MARCHF1: variants seen among roughly 807,000 people sequenced by gnomAD.
The protein encoded by MARCHF1 is E3 ubiquitin-protein ligase MARCHF1.
MARCHF1 carries 40 observed loss-of-function variants against 54.2 expected under a neutral mutation model. The observed-to-expected ratio is 0.74, with a 90% CI of 0.57 to 0.96. The LOEUF (loss-of-function observed/expected upper bound fraction) is 0.96, where lower values mean the gene tolerates loss of function less well. Among genes scored for constraint, MARCHF1 ranks in the 40% least tolerant of loss-of-function variants. The pLI is 0.00. For synonymous variants in MARCHF1, 236 were observed against 236.3 expected, an observed-to-expected ratio of 1.00 and a Z score of 0.01; for missense variants, 586 against 656.5, an observed-to-expected ratio of 0.89 and a Z score of 1.17.
intron 4 of MARCHF1, among the ~76,000 whole-genome samples, chr4:163,792,566 T>G (rs1445500284): frequency 6.6e-6 from 1 of 152,170 alleles, no homozygotes; most frequent in East Asian, 1.9e-4. Flanking sequence ...CCATCATATG[T>G]ACAGCTAAAT....
chr4:163,889,997 T>C (rs1750624038), intron 3 of MARCHF1, among the ~76,000 whole-genome samples: 1 of 144,576 alleles, frequency 6.9e-6, no homozygotes, highest in Non-Finnish European at 1.5e-5. Flanking sequence ...CTGTTTCGGC[T>C]CACTGCAAGC....
intron 2 of MARCHF1, among the ~76,000 whole-genome samples, chr4:164,008,207 C>A (rs570805090): frequency 1.3e-5 from 2 of 152,154 alleles, no homozygotes; most frequent in Non-Finnish European, 2.9e-5. Flanking sequence ...ATAAAACAGA[C>A]TATAAATCTG....
chr4:164,261,894 A>T (rs759296690), intron 1 of MARCHF1, among the ~76,000 whole-genome samples: 5 of 152,058 alleles, frequency 3.3e-5, no homozygotes, highest in African/African-American at 4.8e-5. Context: ...TAATCCCACC[A>T]CTTCAGGAGG....
At chr4:164,132,222 T>G (rs1756315967) in intron 1 of MARCHF1, among the ~76,000 whole-genome samples, 1 of 152,178 alleles carries the variant, frequency 6.6e-6, no homozygotes, top group East Asian at 1.9e-4. Context: ...GAGGATCTTA[T>G]CAAGGCTTAT....
chr4:164,359,150 G>A (rs1223839588), intron 1 of MARCHF1, among the ~76,000 whole-genome samples: 1 of 152,116 alleles, frequency 6.6e-6, no homozygotes, highest in South Asian at 2.1e-4. Context: ...CAAGCAGTTA[G>A]AGAATATTCG....
intron 1 of MARCHF1, among the ~76,000 whole-genome samples, chr4:164,171,330 T>C (rs1029445235): frequency 1.3e-5 from 2 of 152,124 alleles, no homozygotes; most frequent in African/African-American, 4.8e-5. Context: ...TAAGTTACTG[T>C]TAACTTGGAA....
intron 1 of MARCHF1, among the ~76,000 whole-genome samples, chr4:164,155,459 C>T (rs1402402669): frequency 1.3e-5 from 2 of 152,014 alleles, no homozygotes; most frequent in Non-Finnish European, 2.9e-5. Context: ...ATTTAATTTC[C>T]TGAGTTCAAA....
At chr4:163,993,316 C>T (rs1560852411) in intron 2 of MARCHF1, among the ~76,000 whole-genome samples, 1 of 151,994 alleles carries the variant, frequency 6.6e-6, no homozygotes, top group Admixed American at 6.6e-5. Context: ...TATTGGAATC[C>T]AATTGTGACT....
At chr4:164,106,602 T>C (rs1755705893) in intron 2 of MARCHF1, among the ~76,000 whole-genome samples, 1 of 143,244 alleles carries the variant, frequency 7.0e-6, no homozygotes, top group South Asian at 2.3e-4. Flanking sequence ...AATATCACAC[T>C]CTGGGGACTG....
At chr4:164,127,078 C>CAAAACAAAACAAAACA (rs974447143) in intron 1 of MARCHF1, among the ~76,000 whole-genome samples, 27 of 134,302 alleles carry the variant, frequency 2.0e-4, no homozygotes, top group African/African-American at 5.8e-4. Context: ...CAAAACAAAA[C>CAAAACAAAACAAAACA]AAAGAGGAAT....
intron 5 of MARCHF1, among the ~76,000 whole-genome samples, chr4:163,657,246 C>T (rs928689371): frequency 1.3e-5 from 2 of 151,582 alleles, no homozygotes; most frequent in Admixed American, 1.3e-4. Flanking sequence ...AAAGTCACAA[C>T]CATTACTATA....
At chr4:163,743,069 A>T (rs957466515) in intron 4 of MARCHF1, among the ~76,000 whole-genome samples, 1 of 152,232 alleles carries the variant, frequency 6.6e-6, no homozygotes, top group Admixed American at 6.5e-5. Flanking sequence ...GCTCTTAATT[A>T]TGAAAAATTA....
chr4:164,379,880 A>G (rs1490206349), intron 1 of MARCHF1, among the ~76,000 whole-genome samples: 2 of 151,998 alleles, frequency 1.3e-5, no homozygotes, highest in Non-Finnish European at 2.9e-5. Flanking sequence ...CACTTGAGGC[A>G]GAGGTTTCAG....
intron 4 of MARCHF1, among the ~76,000 whole-genome samples, chr4:163,852,296 A>G (rs965426472): frequency 2.0e-5 from 3 of 152,136 alleles, no homozygotes; most frequent in Non-Finnish European, 4.4e-5. Flanking sequence ...AGGTTACCCA[A>G]TTATAGGCAG....
chr4:164,117,289 A>G (rs1435311060), intron 1 of MARCHF1, among the ~76,000 whole-genome samples: 1 of 151,950 alleles, frequency 6.6e-6, no homozygotes, highest in Non-Finnish European at 1.5e-5. Flanking sequence ...ATAAATAAAC[A>G]ATAGAATAAT....
chr4:164,273,767 C>T (rs988963800), intron 1 of MARCHF1, among the ~76,000 whole-genome samples: 8 of 152,118 alleles, frequency 5.3e-5, no homozygotes, highest in African/African-American at 1.7e-4. Flanking sequence ...TAGAGCAATA[C>T]AAATTTAATG....
At chr4:164,378,978 G>A (rs1301904136) in intron 1 of MARCHF1, among the ~76,000 whole-genome samples, 1 of 152,172 alleles carries the variant, frequency 6.6e-6, no homozygotes, top group Non-Finnish European at 1.5e-5. Context: ...CTCCCAAAGT[G>A]CTGGGATTAC....
intron 4 of MARCHF1, among the ~76,000 whole-genome samples, chr4:163,770,850 G>C (rs1747137785): frequency 6.6e-6 from 1 of 152,162 alleles, no homozygotes. Flanking sequence ...AGACAGTTAT[G>C]ATCTTTTAAA....
At chr4:163,550,806 G>A (rs939256332) in intron 8 of MARCHF1, among the ~76,000 whole-genome samples, 2 of 152,214 alleles carry the variant, frequency 1.3e-5, no homozygotes, top group African/African-American at 2.4e-5. Flanking sequence ...CCATTCATAT[G>A]AAGCAGTGGT....
Sources: allele counts gnomAD v4.1 joint callset (sites outside exome capture counted in the v4.1 genomes callset), GRCh38; gene constraint gnomAD v4.1.1; transcripts MANE v1.5; gene names NCBI Gene and HGNC (gene_info 2026-07-23, HGNC 2026-07-21).